Variants in DOCK9 observed in about 807,000 individuals in gnomAD.
The protein encoded by DOCK9 is dedicator of cytokinesis 9, also known as dedicator of cytokinesis protein 9.
DOCK9 carries 89 observed loss-of-function variants against 263.3 expected under a neutral mutation model. The observed-to-expected ratio is 0.34, with a 90% confidence interval of 0.28 to 0.40. DOCK9 has a LOEUF of 0.40. Ranked by LOEUF, DOCK9 falls within the 10% of genes least tolerant of loss-of-function variation. The pLI, the probability that DOCK9 is intolerant of heterozygous loss-of-function variation, is 1.00. For missense variants in DOCK9, 2,140 were observed against 2,603.4 expected (o/e 0.82, Z 3.87); for synonymous variants, 976 against 973.1 (o/e 1.00, Z -0.06).
chr13:99,020,083 T>C (rs1457418695), intron 1 of DOCK9, among the ~76,000 whole-genome samples: 3 of 152,040 alleles, frequency 2.0e-5, no homozygotes, highest in East Asian at 3.9e-4. Context: ...GCCTAGGTGA[T>C]AGAGTGAGAC....
chr13:98,896,390 C>G (rs901198562), intron 15 of DOCK9, among the ~76,000 whole-genome samples: 6 of 151,048 alleles, frequency 4.0e-5, no homozygotes, highest in Admixed American at 3.3e-4. Flanking sequence ...ATTCCTACTA[C>G]TGAAGACAGA....
At chr13:98,841,911 G>A (rs375421823) in intron 38 of DOCK9, among the ~76,000 whole-genome samples, 1 of 151,956 alleles carries the variant, frequency 6.6e-6, no homozygotes, top group Non-Finnish European at 1.5e-5. Context: ...CCAAAGTGCT[G>A]AGATTACAGG....
intron 1 of DOCK9, among the ~76,000 whole-genome samples, chr13:99,086,066 C>G (rs1030778908): frequency 6.6e-6 from 1 of 152,110 alleles, no homozygotes; most frequent in Non-Finnish European, 1.5e-5. Context: ...TCTCCCCTGT[C>G]CAACTCCCTC....
At chr13:99,084,893 T>G (rs2042269670) in intron 1 of DOCK9, among the ~76,000 whole-genome samples, 1 of 152,226 alleles carries the variant, frequency 6.6e-6, no homozygotes. Flanking sequence ...GTTAGCTGGT[T>G]ATGGAAGAGA....
chr13:98,963,724 T>C (rs965112604), intron 1 of DOCK9, among the ~76,000 whole-genome samples: 1 of 152,240 alleles, frequency 6.6e-6, no homozygotes, highest in Non-Finnish European at 1.5e-5. Context: ...CTTGATAGGC[T>C]GAGATAAAGT....
At chr13:98,987,099 A>G (rs980870533) in intron 1 of DOCK9, among the ~76,000 whole-genome samples, 1 of 151,698 alleles carries the variant, frequency 6.6e-6, no homozygotes, top group African/African-American at 2.4e-5. Flanking sequence ...ACCACCATCA[A>G]TGGGTTTCTG....
At chr13:98,971,901 A>G (rs2059771923) in intron 1 of DOCK9, among the ~76,000 whole-genome samples, 1 of 152,176 alleles carries the variant, frequency 6.6e-6, no homozygotes, top group Non-Finnish European at 1.5e-5. Context: ...CATGCTATTC[A>G]ACCACTGTTG....
intron 7 of DOCK9, among the ~76,000 whole-genome samples, chr13:98,915,787 G>C (rs1242950371): frequency 6.6e-6 from 1 of 152,004 alleles, no homozygotes. Flanking sequence ...AACCTCCTCA[G>C]TGCTCCCATT....
chr13:99,084,542 G>A (rs780516650), intron 1 of DOCK9, among the ~76,000 whole-genome samples: 18 of 152,182 alleles, frequency 1.2e-4, no homozygotes, highest in Admixed American at 2.0e-4. Flanking sequence ...CCTGTCACAC[G>A]TGGGAATGGA....
At position 98,930,161 on chromosome 13, in the gene DOCK9, G is replaced by C; in HGVS notation, c.333+7C>G. On this transcript the variant is annotated splice_region_variant and intron_variant, in intron 3 of 52. Coordinates refer to ENST00000682017, the MANE Select transcript of DOCK9 (RefSeq NM_001366683.2). ...AAAATGTAAATTAATGCAGGAAAGA[G>C]CCTTACCTCTGTAACAAACAAGCTC... is the stretch of plus-strand genomic sequence containing the variant. 1 of 1,605,282 alleles carries C rather than the reference G, an allele frequency of 6.2e-7. No individual in the cohort carries two copies. The highest frequency in any genetic ancestry group is 8.5e-7 in the Non-Finnish European group (1 of 1,175,570).
intron 27 of DOCK9, among the ~76,000 whole-genome samples, chr13:98,872,387 C>T (rs1393120841): frequency 6.7e-6 from 1 of 149,206 alleles, no homozygotes; most frequent in African/African-American, 2.5e-5. Context: ...TCTTCTACAA[C>T]TTGGTTTTGT....
chr13:98,885,500 G>A (rs1177383026), intron 20 of DOCK9: 2 of 506,980 alleles, frequency 3.9e-6, no homozygotes, highest in Non-Finnish European at 6.6e-6. Context: ...AGCTATTCAG[G>A]AGGCTGAGGT....
chr13:98,821,888 T>C (rs1286673707), intron 45 of DOCK9, among the ~76,000 whole-genome samples: 2 of 152,222 alleles, frequency 1.3e-5, no homozygotes, highest in Non-Finnish European at 2.9e-5. Context: ...GGCAATGATT[T>C]TTATTCAACT....
At chr13:98,838,994 C>T (rs550507414) in intron 38 of DOCK9, among the ~76,000 whole-genome samples, 2 of 152,286 alleles carry the variant, frequency 1.3e-5, no homozygotes, top group East Asian at 3.9e-4. Context: ...ACTAGCATGA[C>T]ATCATTCTGA....
chr13:98,938,722 A>G (rs2055314418), intron 2 of DOCK9, among the ~76,000 whole-genome samples: 2 of 152,184 alleles, frequency 1.3e-5, no homozygotes, highest in Non-Finnish European at 2.9e-5. Context: ...TTTTTTTATC[A>G]ATTACTTTAC....
intron 1 of DOCK9, among the ~76,000 whole-genome samples, chr13:98,957,150 A>G (rs2058150798): frequency 6.6e-6 from 1 of 152,180 alleles, no homozygotes; most frequent in South Asian, 2.1e-4. Flanking sequence ...CCAACGCAGA[A>G]CTGGGTGGCC....
intron 45 of DOCK9, among the ~76,000 whole-genome samples, chr13:98,810,940 C>T (rs1046972274): frequency 6.6e-6 from 1 of 152,186 alleles, no homozygotes; most frequent in African/African-American, 2.4e-5. Flanking sequence ...GTGACCTAAG[C>T]AGGCCAATCA....
intron 2 of DOCK9, among the ~76,000 whole-genome samples, chr13:98,952,055 G>C (rs761764546): frequency 6.6e-6 from 1 of 151,922 alleles, no homozygotes; most frequent in African/African-American, 2.4e-5. Flanking sequence ...CCACCACCAT[G>C]CCTGGCTAAT....
chr13:99,003,669 A>G (rs1882801941), intron 1 of DOCK9, among the ~76,000 whole-genome samples: 4 of 149,610 alleles, frequency 2.7e-5, no homozygotes, highest in Non-Finnish European at 5.9e-5. Flanking sequence ...CTTGTCTCTT[A>G]TTTAACTGCC....
Sources: gnomAD v4.1 joint callset for allele counts (sites outside exome capture counted in the v4.1 genomes callset) on GRCh38, gnomAD v4.1.1 for gene constraint, MANE v1.5 for transcripts, NCBI Gene and HGNC (gene_info 2026-07-23, HGNC 2026-07-21) for gene names.